MAP2K1: variants seen among roughly 807,000 people sequenced by gnomAD.
The protein encoded by MAP2K1 is dual specificity mitogen-activated protein kinase kinase 1.
Under a neutral mutation model 46.3 loss-of-function variants are expected in MAP2K1, and 16 were observed. That is an observed-to-expected ratio of 0.35 (90% confidence interval 0.23 to 0.52). The LOEUF (loss-of-function observed/expected upper bound fraction) is 0.52, where lower values mean the gene tolerates loss of function less well. MAP2K1 is among the 20% of genes least tolerant of loss of function. The probability of loss-of-function intolerance (pLI) is 0.94; values close to 1 mark genes in which losing one functional copy is unlikely to be tolerated. For missense variants in MAP2K1, 263 were observed against 497.1 expected, an observed-to-expected ratio of 0.53 and a Z score of 4.48; for synonymous variants, 183 against 185.6, an observed-to-expected ratio of 0.99 and a Z score of 0.11.
At chr15:66,481,115 G>C (rs1191506206) in intron 5 of MAP2K1, among the ~76,000 whole-genome samples, 1 of 152,106 alleles carries the variant, frequency 6.6e-6, no homozygotes, top group African/African-American at 2.4e-5. Flanking sequence ...TCACATTCCA[G>C]CTCCAGGTAG....
intron 1 of MAP2K1, among the ~76,000 whole-genome samples, chr15:66,432,627 T>G (rs1318228793): frequency 1.3e-5 from 2 of 152,152 alleles, no homozygotes; most frequent in Admixed American, 6.5e-5. Context: ...TGAGGCCTGG[T>G]GTGTTAAATG....
At chr15:66,458,049 G>A (rs781394121) in intron 5 of MAP2K1, among the ~76,000 whole-genome samples, 2 of 152,078 alleles carry the variant, frequency 1.3e-5, no homozygotes, top group African/African-American at 4.8e-5. Flanking sequence ...GATAAGTGAC[G>A]TGGGTAGGAG....
chr15:66,481,612 C>T, intron 5 of MAP2K1, 143 bp from the exon 6 acceptor site: 1 of 899,482 alleles, frequency 1.1e-6, no homozygotes, highest in Non-Finnish European at 1.8e-6. Flanking sequence ...ACAGTGTTTG[C>T]AAGCCAAGGG....
chr15:66,413,832 T>C (rs544303353), intron 1 of MAP2K1, among the ~76,000 whole-genome samples: 1 of 152,084 alleles, frequency 6.6e-6, no homozygotes, highest in East Asian at 1.9e-4. Flanking sequence ...AGTGAAGGAC[T>C]GTATCCCCAA....
intron 3 of MAP2K1, among the ~76,000 whole-genome samples, chr15:66,440,547 T>C (rs941143151): frequency 3.9e-5 from 6 of 152,222 alleles, no homozygotes; most frequent in Non-Finnish European, 7.3e-5. Context: ...TGATGCTCTC[T>C]GATCAGAACA....
At chr15:66,392,336 G>A (rs145878627) in intron 1 of MAP2K1, among the ~76,000 whole-genome samples, 1 of 122,962 alleles carries the variant, frequency 8.1e-6, no homozygotes, top group Admixed American at 1.1e-4. Context: ...GTGCCACCAC[G>A]CCCTGCTAAG....
At chr15:66,422,902 G>C (rs1225098669) in intron 1 of MAP2K1, among the ~76,000 whole-genome samples, 1 of 151,780 alleles carries the variant, frequency 6.6e-6, no homozygotes, top group African/African-American at 2.4e-5. Context: ...TGGATGCTCT[G>C]TTCTGATTTC....
chr15:66,405,075 T>C (rs1344964580), intron 1 of MAP2K1, among the ~76,000 whole-genome samples: 1 of 152,238 alleles, frequency 6.6e-6, no homozygotes, highest in Non-Finnish European at 1.5e-5. Flanking sequence ...GCATTCATTA[T>C]CTTGAATTTG....
intron 5 of MAP2K1, among the ~76,000 whole-genome samples, chr15:66,460,490 G>A (rs1892289626): frequency 6.6e-6 from 1 of 152,158 alleles, no homozygotes; most frequent in Admixed American, 6.5e-5. Context: ...TGTTTTTACA[G>A]GAAATAGCAA....
intron 8 of MAP2K1, 149 bp downstream of exon 8, chr15:66,487,441 C>T: frequency 2.7e-6 from 2 of 747,694 alleles, no homozygotes. Flanking sequence ...GAGTTCGAGA[C>T]CAGCCTGGCC....
chr15:66,466,157 T>C (rs1468162701), intron 5 of MAP2K1, among the ~76,000 whole-genome samples: 1 of 152,216 alleles, frequency 6.6e-6, no homozygotes, highest in Non-Finnish European at 1.5e-5. Flanking sequence ...ATAAATCAAG[T>C]TGGATTCCTT....
At chr15:66,452,054 G>A (rs368492975) in intron 5 of MAP2K1, among the ~76,000 whole-genome samples, 3 of 74,854 alleles carry the variant, frequency 4.0e-5, no homozygotes, top group Admixed American at 1.6e-4. Context: ...ACCAAACACC[G>A]CATATTCTCA....
intron 1 of MAP2K1, among the ~76,000 whole-genome samples, chr15:66,402,801 T>C (rs1048388782): frequency 2.0e-5 from 3 of 152,214 alleles, no homozygotes; most frequent in Non-Finnish European, 2.9e-5. Context: ...GTAGATTTAC[T>C]AGTGTCATCT....
rs986342896 is a variant in MAP2K1 at position 66,490,831 on chromosome 15, T to C, written c.*216T>C. 3.2e-6 allele frequency: 2 copies of C among 626,960 alleles called. No homozygotes were observed. Among genetic ancestry groups the C allele is most frequent in the Admixed American group, 4.4e-5 (2 of 45,030 alleles). The allele number at this position is 626,960 out of a possible 1,614,324, so 38.8% of individuals were successfully genotyped here. On this transcript the variant is annotated 3_prime_UTR_variant, in exon 11 of 11. Coordinates refer to ENST00000307102, the MANE Select transcript of MAP2K1 (RefSeq NM_002755.4). ...TGTTCCCCTAAGTGGATTGGCTTTG[T>C]GCTTGGGGCTATTTGTGTGTATGCT...
Position 66,490,986 on chromosome 15 carries a change from A to G in MAP2K1, c.*371A>G. ...GCCTGTATTTTCGGGATTCTTTGACATTTGGTGGTACTTTATTCTTGCTGG... is the reference window on the plus strand; with the variant it reads ...GCCTGTATTTTCGGGATTCTTTGACGTTTGGTGGTACTTTATTCTTGCTGG... On this transcript the variant is annotated 3_prime_UTR_variant, in exon 11 of 11. Transcript: ENST00000307102. The G allele has an allele frequency of 2.3e-6, 1 of 432,300 alleles. No individual in the cohort carries two copies. Among genetic ancestry groups the G allele is most frequent in the East Asian group, 4.1e-5 (1 of 24,476 alleles). The allele number at this position is 432,300 out of a possible 1,614,324, so 26.8% of individuals were successfully genotyped here.
chr15:66,477,112 C>G (rs542284294), intron 5 of MAP2K1, among the ~76,000 whole-genome samples: 11 of 152,200 alleles, frequency 7.2e-5, no homozygotes, highest in Non-Finnish European at 1.5e-4. Context: ...CTCCTCCTCT[C>G]CAACCCCTTC....
intron 1 of MAP2K1, among the ~76,000 whole-genome samples, chr15:66,409,057 C>G (rs2093405084): frequency 6.6e-6 from 1 of 152,164 alleles, no homozygotes; most frequent in Non-Finnish European, 1.5e-5. Flanking sequence ...AGGAGGGTCA[C>G]AGTGTTGTTG....
chr15:66,389,509 A>G (rs1003432093), intron 1 of MAP2K1, among the ~76,000 whole-genome samples: 4 of 151,964 alleles, frequency 2.6e-5, no homozygotes, highest in African/African-American at 9.7e-5. Context: ...GGGAGAGTCT[A>G]AACAGTGGTT....
intron 1 of MAP2K1, among the ~76,000 whole-genome samples, chr15:66,407,670 T>A (rs950233081): frequency 2.6e-5 from 4 of 152,230 alleles, no homozygotes; most frequent in African/African-American, 7.2e-5. Flanking sequence ...AATCTTACCT[T>A]GAATCCAGGG....
Sources: allele counts gnomAD v4.1 joint callset (sites outside exome capture counted in the v4.1 genomes callset), GRCh38; gene constraint gnomAD v4.1.1; transcripts MANE v1.5; gene names NCBI Gene and HGNC (gene_info 2026-07-23, HGNC 2026-07-21).